The following SLC14A2 variants were observed in gnomAD, a reference collection of about 807,000 sequenced individuals.
SLC14A2 encodes the protein urea transporter 2.
A neutral mutation model predicts 104.6 loss-of-function variants in SLC14A2; 91 were observed. The ratio of observed to expected loss-of-function variants is 0.87; its 90% confidence interval spans 0.73 to 1.04. SLC14A2 has a LOEUF of 1.04. Among genes scored for constraint, SLC14A2 ranks in the 50% least tolerant of loss-of-function variants. SLC14A2 has a pLI of 0.00. For synonymous variants in SLC14A2, 476 were observed against 466.4 expected (o/e 1.02, Z -0.27); for missense variants, 1,189 against 1,156.0 (o/e 1.03, Z -0.41).
At chr18:45,544,135 C>T (rs1406194874) in intron 2 of SLC14A2, among the ~76,000 whole-genome samples, 1 of 152,210 alleles carries the variant, frequency 6.6e-6, no homozygotes, top group East Asian at 1.9e-4. Context: ...TGCTTTATAT[C>T]CTTTAGCTGT....
intron 10 of SLC14A2, among the ~76,000 whole-genome samples, chr18:45,661,575 A>G (rs1295717797): frequency 6.6e-6 from 1 of 152,200 alleles, no homozygotes; most frequent in East Asian, 1.9e-4. Flanking sequence ...ATTTCTCTGA[A>G]TGGGGAAGGT....
intron 1 of SLC14A2, among the ~76,000 whole-genome samples, chr18:45,456,691 C>T (rs746296514): frequency 2.2e-4 from 33 of 151,948 alleles, no homozygotes; most frequent in Non-Finnish European, 4.0e-4. Flanking sequence ...GATGAAAGTT[C>T]ACCTTCCACT....
intron 1 of SLC14A2, among the ~76,000 whole-genome samples, chr18:45,313,732 A>T (rs2085101394): frequency 6.6e-6 from 1 of 152,206 alleles, no homozygotes; most frequent in Non-Finnish European, 1.5e-5. Context: ...TGCCTGGCAT[A>T]ACTAAGTGCT....
At chr18:45,612,886 T>G (rs556396609), upstream of SLC14A2, among the ~76,000 whole-genome samples, 1 of 152,152 alleles carries the variant, frequency 6.6e-6, no homozygotes, top group Non-Finnish European at 1.5e-5. Flanking sequence ...TCTCACACAC[T>G]CTCTCTCTCC....
intron 1 of SLC14A2, among the ~76,000 whole-genome samples, chr18:45,391,206 G>C (rs1392560145): frequency 6.6e-6 from 1 of 152,086 alleles, no homozygotes; most frequent in Non-Finnish European, 1.5e-5. Flanking sequence ...ATAGTTTGCT[G>C]AGAATGATGG....
intron 2 of SLC14A2, among the ~76,000 whole-genome samples, chr18:45,553,278 C>G (rs564612206): frequency 6.6e-6 from 1 of 152,180 alleles, no homozygotes; most frequent in African/African-American, 2.4e-5. Context: ...ATTGTACATA[C>G]AAATAGTTGA....
chr18:45,416,757 G>T (rs2086282205), intron 1 of SLC14A2, among the ~76,000 whole-genome samples: 1 of 152,164 alleles, frequency 6.6e-6, no homozygotes. Flanking sequence ...GATATTTTAA[G>T]CTGCCATCAA....
At chr18:45,241,639 C>CTT (rs370878349) in intron 1 of SLC14A2, among the ~76,000 whole-genome samples, 194 of 117,978 alleles carry the variant, frequency 1.6e-3, no homozygotes, top group Non-Finnish European at 2.4e-3. Flanking sequence ...TTTCTTTTCT[C>CTT]TTTTTTTTTT....
intron 6 of SLC14A2, among the ~76,000 whole-genome samples, chr18:45,639,180 T>C (rs2045474275): frequency 6.6e-6 from 1 of 151,840 alleles, no homozygotes; most frequent in Non-Finnish European, 1.5e-5. Flanking sequence ...AGGGTAGCAG[T>C]GAATGGGCAG....
At chr18:45,220,487 G>C (rs889016147) in intron 1 of SLC14A2, among the ~76,000 whole-genome samples, 1 of 152,194 alleles carries the variant, frequency 6.6e-6, no homozygotes, top group East Asian at 1.9e-4. Flanking sequence ...ATCAAACTGA[G>C]GCAGGGTTTT....
intron 1 of SLC14A2, among the ~76,000 whole-genome samples, chr18:45,366,787 T>C (rs964607548): frequency 1.3e-5 from 2 of 152,210 alleles, no homozygotes; most frequent in African/African-American, 4.8e-5. Flanking sequence ...GGAATACTTA[T>C]TGATACAAAA....
chr18:45,597,479 C>G (rs900155362), intron 2 of SLC14A2, among the ~76,000 whole-genome samples: 9 of 152,150 alleles, frequency 5.9e-5, no homozygotes, highest in African/African-American at 1.9e-4. Context: ...CTGGTAGTTC[C>G]CCAAGAATGT....
At chr18:45,470,770 CGAT>C (rs138650518) in intron 1 of SLC14A2, among the ~76,000 whole-genome samples, 23 of 151,978 alleles carry the variant, frequency 1.5e-4, no homozygotes, top group Admixed American at 9.8e-4. Context: ...ATGATGATGA[CGAT>C]GATGATGATG....
chr18:45,484,988 A>G (rs934095745), intron 2 of SLC14A2, among the ~76,000 whole-genome samples: 5 of 152,210 alleles, frequency 3.3e-5, no homozygotes, highest in African/African-American at 1.2e-4. Flanking sequence ...TTGTAATATC[A>G]TTGTTATTAA....
chr18:45,525,072 A>G (rs747894328), intron 2 of SLC14A2, among the ~76,000 whole-genome samples: 1 of 152,160 alleles, frequency 6.6e-6, no homozygotes, highest in Non-Finnish European at 1.5e-5. Context: ...TGCCTTCCAG[A>G]TAAAAAGGAT....
chr18:45,330,412 A>T (rs2085277647), intron 1 of SLC14A2, among the ~76,000 whole-genome samples: 1 of 152,240 alleles, frequency 6.6e-6, no homozygotes, highest in African/African-American at 2.4e-5. Context: ...ATTTCAGAGC[A>T]CACGGCCTTC....
At chr18:45,295,475 T>C (rs531065603) in intron 1 of SLC14A2, among the ~76,000 whole-genome samples, 1 of 152,058 alleles carries the variant, frequency 6.6e-6, no homozygotes, top group Non-Finnish European at 1.5e-5. Flanking sequence ...TCCATTCTCT[T>C]CCCAGTCTGC....
intron 1 of SLC14A2, among the ~76,000 whole-genome samples, chr18:45,391,191 C>G (rs1321794857): frequency 6.6e-6 from 1 of 151,994 alleles, no homozygotes; most frequent in Non-Finnish European, 1.5e-5. Context: ...TTTTTTGTCC[C>G]TGAGATAGTT....
chr18:45,302,186 A>G (rs1459897295), intron 1 of SLC14A2, among the ~76,000 whole-genome samples: 1 of 152,244 alleles, frequency 6.6e-6, no homozygotes, highest in East Asian at 1.9e-4. Flanking sequence ...GCATCATTCA[A>G]GGCTCTTGGG....
Sources: gnomAD v4.1 joint callset for allele counts (sites outside exome capture counted in the v4.1 genomes callset) on GRCh38, gnomAD v4.1.1 for gene constraint, MANE v1.5 for transcripts, NCBI Gene and HGNC (gene_info 2026-07-23, HGNC 2026-07-21) for gene names.